CSMD1: variants seen among roughly 807,000 people sequenced by gnomAD.
CSMD1 encodes CUB and Sushi multiple domains 1, also known as CUB and sushi domain-containing protein 1.
A neutral mutation model predicts 417.5 loss-of-function variants in CSMD1; 213 were observed. The observed-to-expected ratio is 0.51, with a 90% CI of 0.46 to 0.57. The LOEUF is 0.57. Ranked by LOEUF, CSMD1 falls within the 20% of genes least tolerant of loss-of-function variation. CSMD1 has a pLI of 0.00. For missense variants in CSMD1, 6,923 were observed against 4,529.7 expected (o/e 1.53, Z -15.17); for synonymous variants, 2,862 against 1,736.8 (o/e 1.65, Z -16.11).
intron 1 of CSMD1, among the ~76,000 whole-genome samples, chr8:4,719,749 G>A (rs7002785): frequency 0.078 from 11,792 of 152,058 alleles, 652 homozygotes; most frequent in African/African-American, 0.15. Context: ...TTCCTAATAT[G>A]CACTTACGAT....
intron 12 of CSMD1, among the ~76,000 whole-genome samples, chr8:3,436,274 G>C (rs1291484765): frequency 6.6e-6 from 1 of 152,186 alleles, no homozygotes; most frequent in African/African-American, 2.4e-5. Flanking sequence ...CAACGCGATA[G>C]TAAGATACAT....
chr8:4,562,527 C>T (rs1359219558), intron 2 of CSMD1, among the ~76,000 whole-genome samples: 4 of 152,126 alleles, frequency 2.6e-5, no homozygotes, highest in Non-Finnish European at 4.4e-5. Flanking sequence ...GAAAAGATAA[C>T]TTTAGTTATT....
At chr8:4,147,303 G>T (rs567987582) in intron 3 of CSMD1, among the ~76,000 whole-genome samples, 2 of 152,202 alleles carry the variant, frequency 1.3e-5, no homozygotes, top group East Asian at 3.9e-4. Flanking sequence ...TCCCAGCGGG[G>T]AAGGGGAAGC....
intron 3 of CSMD1, among the ~76,000 whole-genome samples, chr8:4,141,334 C>A (rs1803777726): frequency 6.6e-6 from 1 of 151,208 alleles, no homozygotes; most frequent in African/African-American, 2.5e-5. Flanking sequence ...GAAGCTACTA[C>A]TGTTCAGAGA....
chr8:4,566,330 T>C (rs954745866), intron 2 of CSMD1, among the ~76,000 whole-genome samples: 1 of 152,146 alleles, frequency 6.6e-6, no homozygotes. Context: ...TTATTAAATG[T>C]ATGACAAGAG....
At chr8:3,846,235 A>G (rs1158309951) in intron 5 of CSMD1, among the ~76,000 whole-genome samples, 2 of 152,170 alleles carry the variant, frequency 1.3e-5, no homozygotes, top group African/African-American at 4.8e-5. Context: ...ATCATCACAG[A>G]TACGTCCACA....
intron 1 of CSMD1, among the ~76,000 whole-genome samples, chr8:4,957,411 G>C (rs1380456580): frequency 6.6e-6 from 1 of 152,142 alleles, no homozygotes; most frequent in South Asian, 2.1e-4. Flanking sequence ...CGGGCACTAT[G>C]GTCGGAAACC....
intron 3 of CSMD1, among the ~76,000 whole-genome samples, chr8:4,148,427 G>C (rs767889687): frequency 1.3e-5 from 2 of 151,190 alleles, no homozygotes; most frequent in East Asian, 1.9e-4. Flanking sequence ...TAAATGATGA[G>C]TTAATTCCTG....
At chr8:4,963,105 G>C (rs965569672) in intron 1 of CSMD1, among the ~76,000 whole-genome samples, 1 of 152,126 alleles carries the variant, frequency 6.6e-6, no homozygotes, top group African/African-American at 2.4e-5. Context: ...CAAGAATATA[G>C]GCTTATTTCC....
intron 1 of CSMD1, among the ~76,000 whole-genome samples, chr8:4,881,918 T>C (rs1383385629): frequency 6.6e-6 from 1 of 152,042 alleles, no homozygotes; most frequent in Non-Finnish European, 1.5e-5. Context: ...GACACTTTTG[T>C]GGGGTTCTTC....
chr8:4,617,310 T>C (rs967631984), intron 2 of CSMD1, among the ~76,000 whole-genome samples: 3 of 152,174 alleles, frequency 2.0e-5, no homozygotes, highest in African/African-American at 7.2e-5. Context: ...CTGATACAGA[T>C]ATAACCAAAA....
chr8:3,307,273 C>G (rs943829760), intron 25 of CSMD1, among the ~76,000 whole-genome samples: 2 of 152,006 alleles, frequency 1.3e-5, no homozygotes, highest in Admixed American at 1.3e-4. Context: ...GCTGCAGGAA[C>G]AGAAGCCTGG....
intron 1 of CSMD1, among the ~76,000 whole-genome samples, chr8:4,647,831 G>T (rs1287328749): frequency 6.6e-6 from 1 of 152,152 alleles, no homozygotes; most frequent in African/African-American, 2.4e-5. Flanking sequence ...GGGCGTTTGG[G>T]TTGGTTCCAA....
chr8:4,276,176 G>A (rs1446446703), intron 3 of CSMD1, among the ~76,000 whole-genome samples: 1 of 152,116 alleles, frequency 6.6e-6, no homozygotes, highest in Non-Finnish European at 1.5e-5. Flanking sequence ...GCACACATAT[G>A]CTTATTGCAG....
At chr8:3,751,980 G>C (rs749271143) in intron 6 of CSMD1, among the ~76,000 whole-genome samples, 5 of 152,114 alleles carry the variant, frequency 3.3e-5, no homozygotes, top group Non-Finnish European at 5.9e-5. Flanking sequence ...AATCTGGTAC[G>C]GGATGGACAT....
At chr8:3,227,952 G>A (rs1258118544) in intron 27 of CSMD1, among the ~76,000 whole-genome samples, 1 of 151,410 alleles carries the variant, frequency 6.6e-6, no homozygotes, top group Non-Finnish European at 1.5e-5. Context: ...ATTTTTAGTA[G>A]AGATAGGGTT....
At chr8:3,748,950 T>A (rs1289022074) in intron 6 of CSMD1, among the ~76,000 whole-genome samples, 1 of 152,236 alleles carries the variant, frequency 6.6e-6, no homozygotes, top group Non-Finnish European at 1.5e-5. Context: ...AACACTTACT[T>A]TCATGATGAT....
At chr8:4,387,228 A>G (rs1217031623) in intron 3 of CSMD1, among the ~76,000 whole-genome samples, 1 of 152,158 alleles carries the variant, frequency 6.6e-6, no homozygotes, top group Admixed American at 6.5e-5. Context: ...AACAAATGTA[A>G]ATATTTTATG....
chr8:2,991,754 C>T (rs1585106593), intron 54 of CSMD1, among the ~76,000 whole-genome samples: 1 of 152,312 alleles, frequency 6.6e-6, no homozygotes, highest in Admixed American at 6.5e-5. Context: ...TGTTTAAATA[C>T]ATAAATAGCA....
Sources: gnomAD v4.1 joint callset for allele counts (sites outside exome capture counted in the v4.1 genomes callset) on GRCh38, gnomAD v4.1.1 for gene constraint, MANE v1.5 for transcripts, NCBI Gene and HGNC (gene_info 2026-07-23, HGNC 2026-07-21) for gene names.